Variants in FGF12 observed in about 807,000 individuals in gnomAD.
FGF12 encodes fibroblast growth factor 12B.
In FGF12, 14 loss-of-function variants were observed where a neutral mutation model predicts 23.6. The ratio of observed to expected loss-of-function variants is 0.59; its 90% CI spans 0.39 to 0.93. The LOEUF (loss-of-function observed/expected upper bound fraction) is 0.93. FGF12 is among the 40% of genes least tolerant of loss of function. The probability of loss-of-function intolerance (pLI) is 0.00; values close to 1 mark genes in which losing one functional copy is unlikely to be tolerated. For missense variants in FGF12, 175 were observed against 217.8 expected, an observed-to-expected ratio of 0.80 and a Z score of 1.24; for synonymous variants, 62 against 77.3, an observed-to-expected ratio of 0.80 and a Z score of 1.04.
intron 4 of FGF12, among the ~76,000 whole-genome samples, chr3:192,188,058 C>T (rs1324444566): frequency 6.6e-6 from 1 of 152,110 alleles, no homozygotes; most frequent in Non-Finnish European, 1.5e-5. Flanking sequence ...GGAAAGTTTC[C>T]TAAGGAGAGT....
intron 4 of FGF12, among the ~76,000 whole-genome samples, chr3:192,287,526 C>T (rs1270964322): frequency 2.6e-5 from 4 of 151,900 alleles, no homozygotes; most frequent in Admixed American, 1.3e-4. Context: ...AGAAAAGCTC[C>T]GAAAGCTAGC....
intron 2 of FGF12, among the ~76,000 whole-genome samples, chr3:192,560,349 A>T (rs1343378191): frequency 6.6e-6 from 1 of 152,034 alleles, no homozygotes; most frequent in African/African-American, 2.4e-5. Flanking sequence ...ATAAATAAAA[A>T]AATAATAAAG....
At chr3:192,366,426 T>G (rs973832127) in intron 2 of FGF12, among the ~76,000 whole-genome samples, 1 of 152,162 alleles carries the variant, frequency 6.6e-6, no homozygotes, top group African/African-American at 2.4e-5. Context: ...GGGGGCCATA[T>G]CTAGAGAATT....
chr3:192,635,542 T>A (rs1029232861), intron 2 of FGF12, among the ~76,000 whole-genome samples: 1 of 152,262 alleles, frequency 6.6e-6, no homozygotes, highest in Non-Finnish European at 1.5e-5. Context: ...CCCTGTACTA[T>A]ACCAGCACCT....
chr3:192,403,850 G>A (rs750115454), intron 2 of FGF12, among the ~76,000 whole-genome samples: 5 of 151,920 alleles, frequency 3.3e-5, no homozygotes, highest in Middle Eastern at 3.2e-3. Flanking sequence ...AAAAGGATAC[G>A]TTTTATAATA....
At chr3:192,221,883 G>A (rs1718494814) in intron 4 of FGF12, among the ~76,000 whole-genome samples, 1 of 152,072 alleles carries the variant, frequency 6.6e-6, no homozygotes, top group African/African-American at 2.4e-5. Flanking sequence ...AAGGTTATAT[G>A]GTGTGAGGAT....
intron 2 of FGF12, among the ~76,000 whole-genome samples, chr3:192,434,831 T>TAA (rs533997848): frequency 6.7e-6 from 1 of 148,322 alleles, no homozygotes; most frequent in Non-Finnish European, 1.5e-5. Context: ...ATCAGGATAT[T>TAA]AAAAAAAAAA....
intron 2 of FGF12, among the ~76,000 whole-genome samples, chr3:192,507,334 T>TAC (rs35433581): frequency 0.058 from 8,429 of 144,584 alleles, 278 homozygotes; most frequent in Admixed American, 0.096. Context: ...TTTGACCAAA[T>TAC]ACACACACAC....
chr3:192,181,579 T>C (rs928050541), intron 4 of FGF12, among the ~76,000 whole-genome samples: 3 of 150,922 alleles, frequency 2.0e-5, no homozygotes, highest in South Asian at 2.1e-4. Flanking sequence ...ACGCAGATAG[T>C]AGAAAAGATC....
chr3:192,269,762 A>G (rs919219051), intron 4 of FGF12, among the ~76,000 whole-genome samples: 1 of 152,200 alleles, frequency 6.6e-6, no homozygotes, highest in Non-Finnish European at 1.5e-5. Flanking sequence ...AATAATTTCT[A>G]TACCATTGGG....
intron 4 of FGF12, among the ~76,000 whole-genome samples, chr3:192,328,610 C>T (rs1716948337): frequency 6.6e-6 from 1 of 152,088 alleles, no homozygotes; most frequent in Non-Finnish European, 1.5e-5. Context: ...GTGAGTATAA[C>T]CATGGTTTTC....
chr3:192,172,335 G>A lies in FGF12; in HGVS notation c.229-1679C>T, dbSNP rs573294514. 6.0e-5 allele frequency among the ~76,000 whole-genome samples: 9 copies of A among 150,360 alleles called. No homozygotes were observed. The South Asian group carries it at 1.9e-3, about 32-fold the overall frequency. On this transcript the variant is annotated intron_variant, in intron 4 of 5. Transcript: ENST00000445105. ...ACCAGGGAGGTGGATGTTGCAGTGA[G>A]CAGAGATTACACCCCACACTCCAGC...
At position 192,563,952 on chromosome 3, in the gene FGF12, T is replaced by C. The variant is rs145577038; in HGVS notation, c.13+163229A>G. On this transcript the variant is annotated intron_variant, in intron 2 of 5. Coordinates refer to ENST00000445105, the MANE Select transcript of FGF12 (RefSeq NM_004113.6). ...GCTATTATCAATGGATGATTACCAT[T>C]TGGTATGCCTACATTTTTCAGTGTT... Among the ~76,000 whole-genome samples, 783 of 152,358 alleles carry C rather than the reference T, an allele frequency of 5.1e-3. 6 individuals are homozygous for C. The highest frequency in any genetic ancestry group is 0.048 in the Middle Eastern group (14 of 294).
At position 192,409,074 on chromosome 3, in the gene FGF12, G is replaced by A; in HGVS notation, c.14-48536C>T. The A allele has an allele frequency of 1.2e-6, 1 of 853,970 alleles. No homozygotes were observed. Among genetic ancestry groups the A allele is most frequent in the Non-Finnish European group, 1.4e-6 (1 of 710,290 alleles). 52.9% of individuals were successfully genotyped at this position (853,970 alleles called of 1,614,324 possible). ...TGCAAAGAGAGCGGGAGGCGAGGGA[G>A]GGGGGAGGGCGCGAGGGAGGGAGGG... On this transcript the variant is annotated intron_variant, in intron 2 of 5. Transcript: ENST00000445105. This position sits in a 1 kb window ranked among gnomAD's most constrained non-coding sequence, Gnocchi z 4.8.
intron 5 of FGF12, among the ~76,000 whole-genome samples, chr3:192,161,762 C>T (rs1714897296): frequency 6.6e-6 from 1 of 152,034 alleles, no homozygotes; most frequent in African/African-American, 2.4e-5. Flanking sequence ...GGACAATATG[C>T]CATTCAAATG....
At chr3:192,240,277 C>A (rs1041156279) in intron 4 of FGF12, among the ~76,000 whole-genome samples, 2 of 152,120 alleles carry the variant, frequency 1.3e-5, no homozygotes, top group African/African-American at 2.4e-5. Context: ...TCCAGCCCAG[C>A]AGTGACAATA....
chr3:192,693,070 C>G (rs777631294), intron 2 of FGF12, among the ~76,000 whole-genome samples: 11 of 151,746 alleles, frequency 7.2e-5, no homozygotes, highest in Non-Finnish European at 1.2e-4. Flanking sequence ...TCACAACAAA[C>G]TCTTAGAATG....
chr3:192,225,562 A>G (rs1718689834), intron 4 of FGF12, among the ~76,000 whole-genome samples: 1 of 152,172 alleles, frequency 6.6e-6, no homozygotes, highest in Admixed American at 6.6e-5. Flanking sequence ...GTAATTCCTA[A>G]AGTTAAACAG....
At position 192,142,253 on chromosome 3, in the gene FGF12, G is replaced by C. The variant is rs1269393072; in HGVS notation, c.*1756C>G. ...AAATAGGATACCTGGTGAAGGATAT[G>C]GTCCACTATTGAAGAATAATGATTG... On this transcript the variant is annotated 3_prime_UTR_variant, in exon 6 of 6. Transcript: ENST00000445105. The C allele has an allele frequency of 6.6e-6, 1 of 152,448 alleles. No individual in the cohort carries two copies. Among genetic ancestry groups the C allele is most frequent in the Non-Finnish European group, 1.5e-5 (1 of 67,940 alleles). 9.4% of individuals were successfully genotyped at this position (152,448 alleles called of 1,614,324 possible).
Sources: allele counts gnomAD v4.1 joint callset (sites outside exome capture counted in the v4.1 genomes callset), GRCh38; gene constraint gnomAD v4.1.1; non-coding constraint Gnocchi (gnomAD v3.1); transcripts MANE v1.5; gene names NCBI Gene and HGNC (gene_info 2026-07-23, HGNC 2026-07-21).